The following BRIP1 variants were observed in gnomAD, a reference collection of about 807,000 sequenced individuals.
BRIP1 encodes BRCA1 interacting DNA helicase 1.
In BRIP1, 88 loss-of-function variants were observed where a neutral mutation model predicts 119.7. The observed-to-expected ratio is 0.74, with a 90% CI of 0.62 to 0.88. The LOEUF (loss-of-function observed/expected upper bound fraction) is 0.88. Ranked by LOEUF, BRIP1 falls within the 40% of genes least tolerant of loss-of-function variation. The pLI is 0.00. For missense variants in BRIP1, 1,259 were observed against 1,455.4 expected (o/e 0.87, Z 2.20); for synonymous variants, 443 against 496.5 (o/e 0.89, Z 1.43).
Position 61,704,802 on chromosome 17 carries a change from GTAGTTATACTAT to G in BRIP1, c.2492+11137_2492+11148del, listed in dbSNP as rs1167209707. ...TATTCTTTTAATGCCTGTGGAGTCTGTAGTTATACTATTAATACCTCTTTTATTCCTGATATT... is the reference window on the plus strand; with the variant it reads ...TATTCTTTTAATGCCTGTGGAGTCTGTAATACCTCTTTTATTCCTGATATT... On this transcript the variant is annotated intron_variant, in intron 17 of 19. Transcript: ENST00000259008. This position sits in a 1 kb window ranked among gnomAD's most constrained non-coding sequence, Gnocchi z 5.7. Among the ~76,000 whole-genome samples the G allele has an allele frequency of 6.6e-6, 1 of 152,002 alleles. No individual in the cohort carries two copies. The highest frequency in any genetic ancestry group is 1.5e-5 in the Non-Finnish European group (1 of 67,998).
At chr17:61,741,881 G>A (rs890314756) in intron 16 of BRIP1, among the ~76,000 whole-genome samples, 6 of 152,158 alleles carry the variant, frequency 3.9e-5, no homozygotes, top group African/African-American at 1.4e-4. Context: ...CAGCTGCACT[G>A]GCCCATCACA....
At chr17:61,707,427 C>T (rs898916821) in intron 17 of BRIP1, among the ~76,000 whole-genome samples, 3 of 152,076 alleles carry the variant, frequency 2.0e-5, no homozygotes, top group East Asian at 1.9e-4. Context: ...ACCAAGAAAT[C>T]GTGTTACTCA....
In BRIP1 at chr17:61,722,039, T is replaced by A. The variant is rs1218447245; in HGVS notation, c.2380-5976A>T. ...CCACCACGCCTAGCCAACTTTGCTT[T>A]TTTTTTTTTTCTTTTTTTTTGAGAC... On this transcript the variant is annotated intron_variant, in intron 16 of 19. Coordinates refer to ENST00000259008, the MANE Select transcript of BRIP1 (RefSeq NM_032043.3). The surrounding 1 kb of genome is among the most constrained non-coding windows in gnomAD (Gnocchi z 4.6). Among the ~76,000 whole-genome samples the A allele has an allele frequency of 1.6e-3, 238 of 149,614 alleles. No individual in the cohort carries two copies. The highest frequency in any genetic ancestry group is 5.4e-3 in the African/African-American group (222 of 40,958).
At chr17:61,839,824 C>T (rs1387567488) in intron 6 of BRIP1, among the ~76,000 whole-genome samples, 1 of 151,970 alleles carries the variant, frequency 6.6e-6, no homozygotes, top group African/African-American at 2.4e-5. Flanking sequence ...CAATTTCTAG[C>T]TTAAAAATAA....
chr17:61,772,564 A>G (rs1180898207), intron 14 of BRIP1, among the ~76,000 whole-genome samples: 1 of 152,154 alleles, frequency 6.6e-6, no homozygotes, highest in Non-Finnish European at 1.5e-5. Context: ...CACGCCTGTA[A>G]TCCCAGCACT....
rs1306169194 is a variant in BRIP1, at chr17:61,769,443, C to T, written c.2097+6958G>A. On this transcript the variant is annotated intron_variant, in intron 14 of 19. Transcript: ENST00000259008. The surrounding 1 kb of genome is among the most constrained non-coding windows in gnomAD (Gnocchi z 4.9). ...GTATCAAACCCCTCTGAAATGAAAA[C>T]TAGATGGCATAATATTAATACATTT... Among the ~76,000 whole-genome samples the T allele has an allele frequency of 2.6e-5, 4 of 152,120 alleles. No individual in the cohort carries two copies. Among genetic ancestry groups the T allele is most frequent in the African/African-American group, 9.7e-5 (4 of 41,418 alleles).
chr17:61,698,510 T>A (rs2061561522), intron 17 of BRIP1, among the ~76,000 whole-genome samples: 1 of 152,144 alleles, frequency 6.6e-6, no homozygotes, highest in Non-Finnish European at 1.5e-5. Context: ...TTGTAGTTGT[T>A]GGTTTGTAGT....
rs1424419313 is a variant in BRIP1 at position 61,789,130 on chromosome 17, G to A, written c.1473+4467C>T. Among the ~76,000 whole-genome samples, 1 of 151,798 alleles carries A rather than the reference G, an allele frequency of 6.6e-6. No homozygotes were observed. The highest frequency in any genetic ancestry group is 1.5e-5 in the Non-Finnish European group (1 of 67,900). On this transcript the variant is annotated intron_variant, in intron 10 of 19. Coordinates refer to ENST00000259008, the MANE Select transcript of BRIP1 (RefSeq NM_032043.3). The surrounding 1 kb of genome is among the most constrained non-coding windows in gnomAD (Gnocchi z 4.8). ...AAAAAATAAGTAATTAGCCAGGTGTGGTAATGCATGCCTGTAGTCCCAGCT... is the reference window on the plus strand; with the variant it reads ...AAAAAATAAGTAATTAGCCAGGTGTAGTAATGCATGCCTGTAGTCCCAGCT...
intron 10 of BRIP1, 47 bp from the exon 11 acceptor site, chr17:61,784,471 G>A: frequency 1.3e-6 from 2 of 1,536,866 alleles, no homozygotes; most frequent in African/African-American, 2.8e-5. Context: ...GGAGGGAATT[G>A]GAAAAAGAAA....
In BRIP1 at chr17:61,799,952, TTAAA is replaced by T. The variant is rs147978990; in HGVS notation, c.1141-657_1141-654del. Among the ~76,000 whole-genome samples the T allele has an allele frequency of 0.024, 3,683 of 152,084 alleles. 141 individuals carry two copies. Among genetic ancestry groups the T allele is most frequent in the African/African-American group, 0.083 (3,455 of 41,478 alleles). ...TGGGGGTAAGGCCCAGGATTGTCAG[TTAAA>T]TAGAGTATTCCATCCTTCTGTGGTC... On this transcript the variant is annotated intron_variant, in intron 8 of 19. Transcript: ENST00000259008. This position sits in a 1 kb window ranked among gnomAD's most constrained non-coding sequence, Gnocchi z 5.1.
chr17:61,710,972 A>T lies in BRIP1; in HGVS notation c.2492+4979T>A, dbSNP rs1276751352. Among the ~76,000 whole-genome samples, 1 of 146,930 alleles carries T rather than the reference A, an allele frequency of 6.8e-6. No homozygotes were observed. The highest frequency in any genetic ancestry group is 1.5e-5 in the Non-Finnish European group (1 of 66,780). On this transcript the variant is annotated intron_variant, in intron 17 of 19. Coordinates refer to ENST00000259008, the MANE Select transcript of BRIP1 (RefSeq NM_032043.3). The surrounding 1 kb of genome is among the most constrained non-coding windows in gnomAD (Gnocchi z 5.4). ...AGGAGAATCGCTTGAACTTGGGTGG[A>T]GGAAGATGCAGTGAGCCAAGACTGC...
Position 61,720,441 on chromosome 17 carries a change from C to G in BRIP1, c.2380-4378G>C, listed in dbSNP as rs1387830768. ...GTAAACTTCTTGGAAACATTTTAGG[C>G]TTTCAAGATATATTAACAAAACTTA... On this transcript the variant is annotated intron_variant, in intron 16 of 19. Coordinates refer to ENST00000259008, the MANE Select transcript of BRIP1 (RefSeq NM_032043.3). The surrounding 1 kb of genome is among the most constrained non-coding windows in gnomAD (Gnocchi z 4.3). Among the ~76,000 whole-genome samples, 1 of 152,166 alleles carries G rather than the reference C, an allele frequency of 6.6e-6. No homozygotes were observed. Among genetic ancestry groups the G allele is most frequent in the Non-Finnish European group, 1.5e-5 (1 of 68,016 alleles).
Position 61,841,081 on chromosome 17 carries a change from G to A in BRIP1, c.627+6020C>T, listed in dbSNP as rs1409631274. Among the ~76,000 whole-genome samples the A allele has an allele frequency of 6.6e-6, 1 of 152,054 alleles. No individual in the cohort carries two copies. Among genetic ancestry groups the A allele is most frequent in the Non-Finnish European group, 1.5e-5 (1 of 68,006 alleles). On this transcript the variant is annotated intron_variant, in intron 6 of 19. Coordinates refer to ENST00000259008, the MANE Select transcript of BRIP1 (RefSeq NM_032043.3). The surrounding 1 kb of genome is among the most constrained non-coding windows in gnomAD (Gnocchi z 4.1). Reference sequence around the variant, plus strand: ...AAAAACCAACTCAAAATAGATTAAAGACTTAAACATAAGACCCAAAACTAT... The same window carrying A: ...AAAAACCAACTCAAAATAGATTAAAAACTTAAACATAAGACCCAAAACTAT...
At chr17:61,765,186 T>C (rs1174724867) in intron 14 of BRIP1, among the ~76,000 whole-genome samples, 1 of 150,808 alleles carries the variant, frequency 6.6e-6, no homozygotes, top group East Asian at 2.0e-4. Context: ...TGTTATAGCA[T>C]CAAAAAATTG....
chr17:61,696,567 G>A (rs2061524123), intron 17 of BRIP1, among the ~76,000 whole-genome samples: 1 of 151,730 alleles, frequency 6.6e-6, no homozygotes, highest in African/African-American at 2.4e-5. Flanking sequence ...CACCAGTGAA[G>A]CCATTTGATC....
At chr17:61,711,728 C>A (rs914765632) in intron 17 of BRIP1, among the ~76,000 whole-genome samples, 1 of 151,764 alleles carries the variant, frequency 6.6e-6, no homozygotes, top group South Asian at 2.1e-4. Context: ...ATTAGCCAGG[C>A]GTGGTGGCAT....
In BRIP1 at chr17:61,780,546, G is replaced by A; in HGVS notation, c.1795-145C>T. The A allele has an allele frequency of 1.3e-6, 1 of 786,216 alleles. No homozygotes were observed. Among genetic ancestry groups the A allele is most frequent in the South Asian group, 1.6e-5 (1 of 63,344 alleles). The allele number at this position is 786,216 out of a possible 1,614,324, so 48.7% of individuals were successfully genotyped here. A position where few individuals can be genotyped will look rare whatever the true frequency, so the allele number is the denominator to read the frequency against. On this transcript the variant is annotated intron_variant, in intron 12 of 19. Transcript: ENST00000259008. This position sits in a 1 kb window ranked among gnomAD's most constrained non-coding sequence, Gnocchi z 5.4. ...AGTCTGAGACCAGCCTGGGCAATAT[G>A]GTGAAACCCCGTCTCTACAAAAAAT... is the stretch of plus-strand genomic sequence containing the variant.
chr17:61,827,333 C>A lies in BRIP1; in HGVS notation c.628-18576G>T, dbSNP rs2078425079. 6.6e-6 allele frequency among the ~76,000 whole-genome samples: 1 copy of A among 152,044 alleles called. No individual in the cohort carries two copies. Among genetic ancestry groups the A allele is most frequent in the Non-Finnish European group, 1.5e-5 (1 of 68,022 alleles). ...TAACTAATGGGTACTAGGCTTAATA[C>A]CTGGGTGACAAAATAATCTGTACAA... On this transcript the variant is annotated intron_variant, in intron 6 of 19. Coordinates refer to ENST00000259008, the MANE Select transcript of BRIP1 (RefSeq NM_032043.3). This position sits in a 1 kb window ranked among gnomAD's most constrained non-coding sequence, Gnocchi z 5.8.
At chr17:61,765,425 T>TATA (rs2077357815) in intron 14 of BRIP1, among the ~76,000 whole-genome samples, 2 of 26,208 alleles carry the variant, frequency 7.6e-5, no homozygotes, top group Non-Finnish European at 1.5e-4. Flanking sequence ...ATATATATAT[T>TATA]TTTTTTTTTT....
Sources: gnomAD v4.1 joint callset for allele counts (sites outside exome capture counted in the v4.1 genomes callset) on GRCh38, gnomAD v4.1.1 for gene constraint, Gnocchi (gnomAD v3.1) non-coding constraint, MANE v1.5 for transcripts, NCBI Gene and HGNC (gene_info 2026-07-23, HGNC 2026-07-21) for gene names.